The following PCDHGA2 variants were observed in gnomAD, a reference collection of about 807,000 sequenced individuals.
PCDHGA2 encodes the protein protocadherin gamma-A2.
Under a neutral mutation model 59.2 loss-of-function variants are expected in PCDHGA2, and 40 were observed. The observed-to-expected ratio is 0.68, with a 90% CI of 0.52 to 0.88. The LOEUF (loss-of-function observed/expected upper bound fraction) is 0.88. PCDHGA2 is among the 40% of genes least tolerant of loss of function. The probability of loss-of-function intolerance (pLI) is 0.00; values close to 1 mark genes in which losing one functional copy is unlikely to be tolerated. For synonymous variants in PCDHGA2, 560 were observed against 526.0 expected, an observed-to-expected ratio of 1.06 and a Z score of -0.89; for missense variants, 1,226 against 1,204.0, an observed-to-expected ratio of 1.02 and a Z score of -0.27.
At position 141,487,507 on chromosome 5, in the gene PCDHGA2, A is replaced by C; in HGVS notation, c.2425-7300A>C. 6.2e-7 allele frequency: 1 copy of C among 1,614,138 alleles called. No individual in the cohort carries two copies. Among genetic ancestry groups the C allele is most frequent in the Non-Finnish European group, 8.5e-7 (1 of 1,180,028 alleles). On this transcript the variant is annotated intron_variant, in intron 1 of 3. Coordinates refer to ENST00000394576, the MANE Select transcript of PCDHGA2 (RefSeq NM_018915.4). This position sits in a 1 kb window ranked among gnomAD's most constrained non-coding sequence, Gnocchi z 5.0. ...ATGGCTGTACACCCTTGGCTTCTGC[A>C]CCCACTCGGAGTGATAGCTTCATGA...
chr5:141,490,080 T>A lies in PCDHGA2; in HGVS notation c.2425-4727T>A, dbSNP rs2099695881. On this transcript the variant is annotated intron_variant, in intron 1 of 3. Coordinates refer to ENST00000394576, the MANE Select transcript of PCDHGA2 (RefSeq NM_018915.4). The surrounding 1 kb of genome is among the most constrained non-coding windows in gnomAD (Gnocchi z 5.4). ...GCACCAACGGCCAACTAGACTATTCTTTTGGAGACCACACATCTGAGGCAG... is the reference window on the plus strand; with the variant it reads ...GCACCAACGGCCAACTAGACTATTCATTTGGAGACCACACATCTGAGGCAG... The A allele has an allele frequency of 6.2e-7, 1 of 1,614,246 alleles. No homozygotes were observed. The highest frequency in any genetic ancestry group is 2.2e-5 in the East Asian group (1 of 44,884).
chr5:141,348,803 C>G (rs1358376859), intron 1 of PCDHGA2, among the ~76,000 whole-genome samples: 1 of 152,142 alleles, frequency 6.6e-6, no homozygotes, highest in African/African-American at 2.4e-5. Context: ...CTTAAGAAAA[C>G]AGATAATAGG....
chr5:141,478,532 G>T, intron 1 of PCDHGA2: 1 of 1,607,858 alleles, frequency 6.2e-7, no homozygotes, highest in East Asian at 2.2e-5. Flanking sequence ...TGCAGAGAGC[G>T]CCCCTCCCGG....
intron 2 of PCDHGA2, 119 bp from the exon 3 acceptor site, chr5:141,505,274 C>T: frequency 6.6e-7 from 1 of 1,524,344 alleles, no homozygotes; most frequent in East Asian, 2.3e-5. Flanking sequence ...CTGAGAGAAA[C>T]AGGTCTTGGG....
intron 1 of PCDHGA2, chr5:141,362,516 G>T: frequency 6.2e-7 from 1 of 1,613,984 alleles, no homozygotes; most frequent in Non-Finnish European, 8.5e-7. Context: ...ACAAATCATG[G>T]AGCCGCTGGG....
At chr5:141,423,228 CA>C in intron 1 of PCDHGA2, 1 of 1,613,866 alleles carries the variant, frequency 6.2e-7, no homozygotes, top group Non-Finnish European at 8.5e-7. Flanking sequence ...CTGTGGCCGA[CA>C]GCATCCCCGA....
At chr5:141,371,477 GCTGGGGA>G (rs1767781947) in intron 1 of PCDHGA2, 2 of 1,613,972 alleles carry the variant, frequency 1.2e-6, no homozygotes, top group African/African-American at 2.7e-5. Flanking sequence ...AAGATGCTGA[GCTGGGGA>G]CTGCCGTTGC....
chr5:141,376,604 C>T (rs1772886423), intron 1 of PCDHGA2: 4 of 1,509,582 alleles, frequency 2.6e-6, no homozygotes, highest in Non-Finnish European at 3.6e-6. Context: ...GTTATAGAAG[C>T]GAACCTCTTT....
chr5:141,423,053 T>C lies in PCDHGA2; in HGVS notation c.2425-71754T>C, dbSNP rs200154593. 1.4e-4 allele frequency: 219 copies of C among 1,614,170 alleles called. 1 individual carries two copies. The African/African-American group carries it at 2.5e-3, about 18-fold the overall frequency. ...CAGAACGCCTGGCTGTCCTATCGCCTGCTTAAGGCCAGCGAGCCGGGACTC... is the reference window on the plus strand; with the variant it reads ...CAGAACGCCTGGCTGTCCTATCGCCCGCTTAAGGCCAGCGAGCCGGGACTC... On this transcript the variant is annotated intron_variant, in intron 1 of 3. Coordinates refer to ENST00000394576, the MANE Select transcript of PCDHGA2 (RefSeq NM_018915.4).
intron 1 of PCDHGA2, chr5:141,419,646 C>T (rs1433992932): frequency 6.2e-7 from 1 of 1,612,470 alleles, no homozygotes; most frequent in Admixed American, 1.7e-5. Flanking sequence ...GCCGTGGACG[C>T]GGACTCGGGG....
intron 1 of PCDHGA2, chr5:141,492,027 A>T (rs1157170828): frequency 8.8e-6 from 5 of 565,466 alleles, no homozygotes; most frequent in African/African-American, 7.7e-5. Flanking sequence ...GGGTCCCGGG[A>T]GGAGGCAGTC....
chr5:141,385,665 A>G (rs2090316911), intron 1 of PCDHGA2: 1 of 462,016 alleles, frequency 2.2e-6, no homozygotes, highest in Admixed American at 5.1e-5. Flanking sequence ...AGCAGGAATA[A>G]AACACACCTC....
intron 1 of PCDHGA2, among the ~76,000 whole-genome samples, chr5:141,456,765 C>A (rs1468235444): frequency 2.0e-5 from 3 of 151,852 alleles, no homozygotes; most frequent in Non-Finnish European, 2.9e-5. Context: ...GAGTTTGAGA[C>A]CAGCCTGGCC....
chr5:141,385,418 A>T (rs1317845643), intron 1 of PCDHGA2: 10 of 1,466,496 alleles, frequency 6.8e-6, no homozygotes, highest in Non-Finnish European at 8.1e-6. Context: ...ATAGGGATTT[A>T]AAAAACTTTA....
At chr5:141,399,375 C>A (rs548275013) in intron 1 of PCDHGA2, 2 of 1,614,016 alleles carry the variant, frequency 1.2e-6, no homozygotes, top group Non-Finnish European at 1.7e-6. Context: ...AGTACAATGT[C>A]ACCATCACAG....
chr5:141,372,118 T>C (rs937548053), intron 1 of PCDHGA2: 3 of 1,613,628 alleles, frequency 1.9e-6, no homozygotes, highest in Non-Finnish European at 2.5e-6. Context: ...TCTGCGCTCT[T>C]CGATATGGTG....
intron 1 of PCDHGA2, chr5:141,409,728 C>T: frequency 6.2e-7 from 1 of 1,613,134 alleles, no homozygotes; most frequent in Non-Finnish European, 8.5e-7. Flanking sequence ...TCAGTGAGCG[C>T]GCAGAGCGGG....
At chr5:141,356,830 A>G (rs372665834) in intron 1 of PCDHGA2, 46 of 1,614,038 alleles carry the variant, frequency 2.8e-5, no homozygotes, top group Non-Finnish European at 3.8e-5. Flanking sequence ...TCCACTCAGC[A>G]GCAATGTGTC....
chr5:141,485,986 G>T lies in PCDHGA2; in HGVS notation c.2425-8821G>T, dbSNP rs2099622467. The T allele has an allele frequency of 1.2e-6, 2 of 1,614,084 alleles. No homozygotes were observed. Among genetic ancestry groups the T allele is most frequent in the African/African-American group, 1.3e-5 (1 of 74,936 alleles). On this transcript the variant is annotated intron_variant, in intron 1 of 3. Transcript: ENST00000394576. This position sits in a 1 kb window ranked among gnomAD's most constrained non-coding sequence, Gnocchi z 5.7. ...AGCTCAATGCCTCAGACCCGGACCT[G>T]GGTCCCAGTGGTAACGTCACCTTTT...
Sources: allele counts gnomAD v4.1 joint callset (sites outside exome capture counted in the v4.1 genomes callset), GRCh38; gene constraint gnomAD v4.1.1; non-coding constraint Gnocchi (gnomAD v3.1); transcripts MANE v1.5; gene names NCBI Gene and HGNC (gene_info 2026-07-23, HGNC 2026-07-21).